Variants in PRKCH observed in about 807,000 individuals in gnomAD.
PRKCH encodes protein kinase C eta type.
PRKCH carries 28 observed loss-of-function variants against 82.5 expected under a neutral mutation model. That is an observed-to-expected ratio of 0.34 (90% CI 0.25 to 0.47). The LOEUF is 0.47. Ranked by LOEUF, PRKCH falls within the 20% of genes least tolerant of loss-of-function variation. The pLI is 1.00. For missense variants in PRKCH, 705 were observed against 881.8 expected, an observed-to-expected ratio of 0.80 and a Z score of 2.54; for synonymous variants, 322 against 327.4, an observed-to-expected ratio of 0.98 and a Z score of 0.18.
In PRKCH at chr14:61,527,173, C is replaced by T. The variant is rs144872096; in HGVS notation, c.1434-1902C>T. Among the ~76,000 whole-genome samples, 472 of 152,280 alleles carry T rather than the reference C, an allele frequency of 3.1e-3. 4 individuals are homozygous for T. The highest frequency in any genetic ancestry group is 0.011 in the African/African-American group (449 of 41,550). ...GCCATGTTCCTGCCGACCTTGAGGACTCTTTACCAAACAATCCTGCTGCTG... is the reference window on the plus strand; with the variant it reads ...GCCATGTTCCTGCCGACCTTGAGGATTCTTTACCAAACAATCCTGCTGCTG... On this transcript the variant is annotated intron_variant, in intron 10 of 13. Coordinates refer to ENST00000332981, the MANE Select transcript of PRKCH (RefSeq NM_006255.5).
intron 1 of PRKCH, among the ~76,000 whole-genome samples, chr14:61,244,150 C>T (rs374449459): frequency 6.6e-6 from 1 of 151,962 alleles, no homozygotes. Flanking sequence ...GGCATGAGAC[C>T]GCCACATGAG....
At chr14:61,289,942 T>C (rs1190755710) in intron 1 of PRKCH, among the ~76,000 whole-genome samples, 1 of 152,166 alleles carries the variant, frequency 6.6e-6, no homozygotes, top group Non-Finnish European at 1.5e-5. Context: ...TCATTGCATC[T>C]GTGAGAGAAA....
intron 1 of PRKCH, among the ~76,000 whole-genome samples, chr14:61,201,460 T>C (rs1341347901): frequency 6.6e-6 from 1 of 152,198 alleles, no homozygotes; most frequent in East Asian, 1.9e-4. Context: ...ACAATCATTA[T>C]TATAAACGCT....
intron 9 of PRKCH, among the ~76,000 whole-genome samples, chr14:61,467,280 A>G (rs1478543733): frequency 6.6e-6 from 1 of 152,134 alleles, no homozygotes; most frequent in Non-Finnish European, 1.5e-5. Flanking sequence ...AAGCCTCTCC[A>G]CCTAAATGTG....
intron 1 of PRKCH, among the ~76,000 whole-genome samples, chr14:61,236,562 G>C (rs1164705096): frequency 6.6e-6 from 1 of 151,926 alleles, no homozygotes; most frequent in Admixed American, 6.5e-5. Context: ...ACAAAAATTA[G>C]CCAGGCATGG....
chr14:61,466,169 A>T (rs971137591), intron 9 of PRKCH, among the ~76,000 whole-genome samples: 4 of 152,176 alleles, frequency 2.6e-5, no homozygotes, highest in Non-Finnish European at 5.9e-5. Flanking sequence ...GGATTAAGGT[A>T]GTGGAATTAT....
intron 1 of PRKCH, among the ~76,000 whole-genome samples, chr14:61,351,115 C>T (rs887487795): frequency 3.9e-5 from 6 of 152,096 alleles, no homozygotes; most frequent in African/African-American, 1.4e-4. Flanking sequence ...TAGGAAATTG[C>T]AGAAGTTTCA....
At chr14:61,510,629 G>A (rs1346365955) in intron 10 of PRKCH, among the ~76,000 whole-genome samples, 3 of 152,004 alleles carry the variant, frequency 2.0e-5, no homozygotes, top group Admixed American at 6.5e-5. Flanking sequence ...TTAGAGATGC[G>A]GCCTGGCTCT....
intron 10 of PRKCH, among the ~76,000 whole-genome samples, chr14:61,501,209 T>A (rs1220915284): frequency 6.6e-6 from 1 of 152,116 alleles, no homozygotes; most frequent in African/African-American, 2.4e-5. Context: ...CCATATACAT[T>A]ATCAGTTGTT....
At chr14:61,326,010 G>C (rs1445229925) in intron 1 of PRKCH, among the ~76,000 whole-genome samples, 5 of 152,178 alleles carry the variant, frequency 3.3e-5, no homozygotes, top group Non-Finnish European at 7.4e-5. Context: ...GCTATGGTGA[G>C]GAATGTAAAA....
chr14:61,482,653 A>G (rs978821043), intron 9 of PRKCH, among the ~76,000 whole-genome samples: 11 of 152,148 alleles, frequency 7.2e-5, no homozygotes, highest in African/African-American at 2.4e-4. Flanking sequence ...GTGGTGCCAG[A>G]CAGGAGGTTA....
chr14:61,430,898 G>C (rs1424574939), intron 2 of PRKCH, among the ~76,000 whole-genome samples: 2 of 152,130 alleles, frequency 1.3e-5, no homozygotes, highest in African/African-American at 4.8e-5. Flanking sequence ...GGGACTACAG[G>C]CACGTGCCAC....
chr14:61,228,496 C>T (rs2044715176), intron 1 of PRKCH, among the ~76,000 whole-genome samples: 1 of 152,046 alleles, frequency 6.6e-6, no homozygotes, highest in African/African-American at 2.4e-5. Flanking sequence ...TACTTGGTGT[C>T]CACAGAACAA....
At chr14:61,277,118 GGAGGTTGCAGTGAGCC>G (rs2045210989) in intron 1 of PRKCH, among the ~76,000 whole-genome samples, 1 of 152,028 alleles carries the variant, frequency 6.6e-6, no homozygotes. Context: ...CCCAGGAAGC[GGAGGTTGCAGTGAGCC>G]GAGGTTGCAG....
chr14:61,437,921 C>A (rs76712884), intron 2 of PRKCH, among the ~76,000 whole-genome samples: 4,320 of 151,864 alleles, frequency 0.028, 235 homozygotes, highest in African/African-American at 0.099. Flanking sequence ...CACAGCAAGA[C>A]CCTGTCTCTT....
chr14:61,318,229 C>T (rs184562555), upstream of PRKCH, among the ~76,000 whole-genome samples: 12 of 152,100 alleles, frequency 7.9e-5, no homozygotes, highest in East Asian at 1.2e-3. Flanking sequence ...CCTGCCACCA[C>T]GCCTGGCTAA....
chr14:61,300,591 T>C (rs935752738), intron 1 of PRKCH, among the ~76,000 whole-genome samples: 1 of 152,162 alleles, frequency 6.6e-6, no homozygotes, highest in Non-Finnish European at 1.5e-5. Context: ...GTCATTGATA[T>C]AGGAGTTAAA....
chr14:61,339,590 T>C (rs1005391004), intron 1 of PRKCH, among the ~76,000 whole-genome samples: 4 of 143,154 alleles, frequency 2.8e-5, no homozygotes, highest in African/African-American at 1.0e-4. Flanking sequence ...CCCAAAGTGC[T>C]GGGATTACAG....
chr14:61,435,893 C>G (rs1317623833), intron 2 of PRKCH, among the ~76,000 whole-genome samples: 1 of 152,152 alleles, frequency 6.6e-6, no homozygotes, highest in Non-Finnish European at 1.5e-5. Flanking sequence ...GTGAAGGAGA[C>G]TAAGAAAGAC....
Sources: allele counts gnomAD v4.1 joint callset (sites outside exome capture counted in the v4.1 genomes callset), GRCh38; gene constraint gnomAD v4.1.1; transcripts MANE v1.5; gene names NCBI Gene and HGNC (gene_info 2026-07-23, HGNC 2026-07-21).